The following CDH18 variants were observed in gnomAD, a reference collection of about 807,000 sequenced individuals.
The protein encoded by CDH18 is cadherin 18, also known as cadherin-18.
A neutral mutation model predicts 67.9 loss-of-function variants in CDH18; 31 were observed. That is an observed-to-expected ratio of 0.46 (90% CI 0.34 to 0.62). CDH18 has a LOEUF of 0.62. Ranked by LOEUF, CDH18 falls within the 20% of genes least tolerant of loss-of-function variation. The pLI, the probability that CDH18 is intolerant of heterozygous loss-of-function variation, is 0.01. For synonymous variants in CDH18, 362 were observed against 347.2 expected, an observed-to-expected ratio of 1.04 and a Z score of -0.48; for missense variants, 890 against 975.5, an observed-to-expected ratio of 0.91 and a Z score of 1.17.
chr5:19,499,101 G>A (rs1390097766), intron 11 of CDH18, among the ~76,000 whole-genome samples: 1 of 152,158 alleles, frequency 6.6e-6, no homozygotes, highest in Non-Finnish European at 1.5e-5. Context: ...ATGAATACAT[G>A]AGCTCCAATT....
At chr5:20,053,275 G>A (rs920897226) in intron 2 of CDH18, among the ~76,000 whole-genome samples, 1 of 149,906 alleles carries the variant, frequency 6.7e-6, no homozygotes, top group Non-Finnish European at 1.5e-5. Flanking sequence ...ATATAGTATA[G>A]ATATATATAT....
At chr5:20,319,514 T>TA (rs1166003238) in intron 1 of CDH18, among the ~76,000 whole-genome samples, 14 of 152,222 alleles carry the variant, frequency 9.2e-5, no homozygotes, top group Admixed American at 9.2e-4. Flanking sequence ...GTATTTTAAA[T>TA]ACGTTTTCAT....
At chr5:20,217,169 A>T (rs1364674370) in intron 2 of CDH18, among the ~76,000 whole-genome samples, 1 of 151,932 alleles carries the variant, frequency 6.6e-6, no homozygotes, top group African/African-American at 2.4e-5. Flanking sequence ...AAAGAAAAAG[A>T]CATTAATGAG....
chr5:19,984,866 A>G (rs1035153656), intron 1 of CDH18, among the ~76,000 whole-genome samples: 3 of 152,138 alleles, frequency 2.0e-5, no homozygotes, highest in Non-Finnish European at 2.9e-5. Context: ...TACCTTTTAA[A>G]TCAAACTGTT....
In CDH18 at chr5:19,764,952, C is replaced by T. The variant is rs1252390739; in HGVS notation, c.229-17716G>A. On this transcript the variant is annotated intron_variant, in intron 3 of 12. Transcript: ENST00000382275. ...TTTGGCTATAATTACTAGGCCATTT[C>T]ATCAAGTTTTCTAGGTATTTCCAGT... Among the ~76,000 whole-genome samples the T allele has an allele frequency of 3.9e-5, 6 of 152,248 alleles. No homozygotes were observed. The Middle Eastern group carries it at 0.02, about 518-fold the overall frequency.
chr5:19,593,872 G>A (rs2150039067), intron 6 of CDH18, among the ~76,000 whole-genome samples: 1 of 151,722 alleles, frequency 6.6e-6, no homozygotes, highest in Non-Finnish European at 1.5e-5. Flanking sequence ...TCTGTAGATT[G>A]TTTCCTTTGT....
chr5:19,523,479 A>T (rs1346778691), intron 9 of CDH18, among the ~76,000 whole-genome samples: 1 of 152,172 alleles, frequency 6.6e-6, no homozygotes, highest in African/African-American at 2.4e-5. Flanking sequence ...TAACATATTG[A>T]AACAATTTTA....
chr5:19,862,026 C>A (rs564436438), intron 2 of CDH18, among the ~76,000 whole-genome samples: 2 of 151,890 alleles, frequency 1.3e-5, no homozygotes, highest in Non-Finnish European at 2.9e-5. Context: ...TCAATGAATT[C>A]GACATAGGTG....
At chr5:20,435,113 A>T (rs1226358422) in intron 1 of CDH18, among the ~76,000 whole-genome samples, 1 of 152,082 alleles carries the variant, frequency 6.6e-6, no homozygotes, top group Non-Finnish European at 1.5e-5. Context: ...ATGAAGAAAC[A>T]GTAGTGACCG....
At chr5:19,612,389 T>C (rs1376490374) in intron 6 of CDH18, 45 bp downstream of exon 6, 1 of 1,578,472 alleles carries the variant, frequency 6.3e-7, no homozygotes, top group Non-Finnish European at 8.7e-7. Context: ...TTACTTTACA[T>C]AAAGAGATAA....
At chr5:19,903,106 A>G (rs1419123872) in intron 2 of CDH18, among the ~76,000 whole-genome samples, 1 of 152,026 alleles carries the variant, frequency 6.6e-6, no homozygotes, top group Non-Finnish European at 1.5e-5. Flanking sequence ...TAATTTAAAT[A>G]TATCTTCCAA....
At chr5:19,793,090 CCTT>C (rs1221263887) in intron 3 of CDH18, among the ~76,000 whole-genome samples, 1 of 152,082 alleles carries the variant, frequency 6.6e-6, no homozygotes, top group Non-Finnish European at 1.5e-5. Context: ...TCCTCCTCCT[CCTT>C]CTACTATGAC....
chr5:20,249,520 CTACACA>C (rs1442329387), intron 2 of CDH18, among the ~76,000 whole-genome samples: 2 of 151,730 alleles, frequency 1.3e-5, no homozygotes, highest in Admixed American at 6.6e-5. Context: ...GTAGCTGGGA[CTACACA>C]TGCCCGCCAC....
chr5:19,927,391 A>C (rs546766007), intron 2 of CDH18, among the ~76,000 whole-genome samples: 1 of 152,246 alleles, frequency 6.6e-6, no homozygotes, highest in South Asian at 2.1e-4. Context: ...TTAAAAGATG[A>C]GGTTACGCAA....
chr5:20,083,735 AG>A (rs780987484), intron 2 of CDH18, among the ~76,000 whole-genome samples: 2 of 152,204 alleles, frequency 1.3e-5, no homozygotes, highest in Non-Finnish European at 2.9e-5. Flanking sequence ...GTGGAAGGCA[AG>A]GAAGAGCAAG....
At chr5:20,003,181 C>A (rs1397161118) in intron 2 of CDH18, among the ~76,000 whole-genome samples, 1 of 152,076 alleles carries the variant, frequency 6.6e-6, no homozygotes, top group Non-Finnish European at 1.5e-5. Context: ...GAGAGTCAAG[C>A]AATGCTTTGG....
intron 2 of CDH18, among the ~76,000 whole-genome samples, chr5:20,200,579 G>A (rs1739373612): frequency 6.6e-6 from 1 of 152,084 alleles, no homozygotes; most frequent in African/African-American, 2.4e-5. Context: ...AGGAGGCTGA[G>A]GTAAAGGATA....
intron 11 of CDH18, among the ~76,000 whole-genome samples, chr5:19,485,914 C>A (rs896549167): frequency 6.6e-6 from 1 of 152,024 alleles, no homozygotes; most frequent in Non-Finnish European, 1.5e-5. Context: ...TAGCATACGT[C>A]TCATATTAAT....
intron 2 of CDH18, among the ~76,000 whole-genome samples, chr5:20,252,224 G>T (rs144133661): frequency 6.6e-6 from 1 of 151,902 alleles, no homozygotes; most frequent in Admixed American, 6.6e-5. Flanking sequence ...GGTGGCGCGC[G>T]CCTTTAGTCC....
Sources: allele counts gnomAD v4.1 joint callset (sites outside exome capture counted in the v4.1 genomes callset), GRCh38; gene constraint gnomAD v4.1.1; transcripts MANE v1.5; gene names NCBI Gene and HGNC (gene_info 2026-07-23, HGNC 2026-07-21).